Variants in ACYP2 observed in about 807,000 individuals in gnomAD.
The protein encoded by ACYP2 is acylphosphatase-2.
A neutral mutation model predicts 11.2 loss-of-function variants in ACYP2; 12 were observed. That is an observed-to-expected ratio of 1.08 (90% CI 0.69 to 1.74). ACYP2 has a LOEUF of 1.74. Ranked by LOEUF, ACYP2 falls within the 40% of genes most tolerant of loss-of-function variation. ACYP2 has a pLI of 0.00. For missense variants in ACYP2, 134 were observed against 101.9 expected, an observed-to-expected ratio of 1.31 and a Z score of -1.35; for synonymous variants, 43 against 32.2, an observed-to-expected ratio of 1.33 and a Z score of -1.13.
At chr2:54,300,853 G>T (rs1046800884) in intron 6 of ACYP2, among the ~76,000 whole-genome samples, 1 of 152,164 alleles carries the variant, frequency 6.6e-6, no homozygotes, top group African/African-American at 2.4e-5. Context: ...CACCCTAATT[G>T]CCACTACTGG....
Position 54,211,686 on chromosome 2 carries a change from TAGA to T in ACYP2, c.404+72944_404+72946del, listed in dbSNP as rs570372684. On this transcript the variant is annotated intron_variant, in intron 6 of 6. Transcript: ENST00000607452. ...ATATTTAATTTGAATATTTCAATAT[TAGA>T]AGAAGTGATTTGTTTACCAAACTCT... 2.6e-3 allele frequency among the ~76,000 whole-genome samples: 395 copies of T among 152,356 alleles called. 3 individuals carry two copies. Among genetic ancestry groups the T allele is most frequent in the Middle Eastern group, 6.8e-3 (2 of 294 alleles).
At chr2:54,290,054 T>C (rs2104140005) in intron 6 of ACYP2, among the ~76,000 whole-genome samples, 1 of 152,228 alleles carries the variant, frequency 6.6e-6, no homozygotes, top group South Asian at 2.1e-4. Context: ...ACCTTGGCGC[T>C]ATTCTTTTAA....
In ACYP2 at chr2:53,988,720, C is replaced by T. The variant is rs1327999331; in HGVS notation, c.62+14910C>T. Among the ~76,000 whole-genome samples, 8 of 151,694 alleles carry T rather than the reference C, an allele frequency of 5.3e-5. No individual in the cohort carries two copies. The East Asian group carries it at 1.6e-3, about 30-fold the overall frequency. Reference sequence around the variant, plus strand: ...GGATTACAGGTGTAAGCCACCATGCCTGGCCCATAATTCAATTTTTGTTTT... The same window carrying T: ...GGATTACAGGTGTAAGCCACCATGCTTGGCCCATAATTCAATTTTTGTTTT... On this transcript the variant is annotated intron_variant, in intron 2 of 6. Transcript: ENST00000607452.
At chr2:54,212,615 A>T (rs1685372792) in intron 6 of ACYP2, among the ~76,000 whole-genome samples, 1 of 152,206 alleles carries the variant, frequency 6.6e-6, no homozygotes, top group African/African-American at 2.4e-5. Context: ...CACATAGCTT[A>T]TTGAATGTGA....
intron 2 of ACYP2, among the ~76,000 whole-genome samples, chr2:54,007,793 A>T (rs1265055927): frequency 6.6e-6 from 1 of 152,064 alleles, no homozygotes; most frequent in Non-Finnish European, 1.5e-5. Flanking sequence ...TGAACCTAGG[A>T]GGTGGAGGTT....
intron 4 of ACYP2, among the ~76,000 whole-genome samples, chr2:54,095,185 G>C (rs1678456249): frequency 6.6e-6 from 1 of 152,180 alleles, no homozygotes; most frequent in Non-Finnish European, 1.5e-5. Flanking sequence ...ACATGTTTCA[G>C]AGAGCACAGG....
chr2:54,177,569 A>ACAAAGATGAACTGAAATCATTTC (rs139667149), intron 6 of ACYP2, among the ~76,000 whole-genome samples: 18,906 of 147,440 alleles, frequency 0.13, 3,064 homozygotes, highest in African/African-American at 0.37. Flanking sequence ...CAGGACTGAT[A>ACAAAGATGAACTGAAATCATTTC]CCTACTATTT....
intron 2 of ACYP2, among the ~76,000 whole-genome samples, chr2:53,997,293 C>G (rs1463888291): frequency 1.3e-5 from 2 of 151,960 alleles, no homozygotes; most frequent in East Asian, 3.9e-4. Context: ...CATATTTTTC[C>G]TTCTTTTTAA....
chr2:54,062,698 A>G (rs562921525), intron 4 of ACYP2, among the ~76,000 whole-genome samples: 25 of 152,366 alleles, frequency 1.6e-4, no homozygotes, highest in South Asian at 6.2e-4. Context: ...AGCTTTCTAC[A>G]TGTATACCAT....
At chr2:54,056,833 C>T (rs1558498937) in intron 3 of ACYP2, among the ~76,000 whole-genome samples, 1 of 151,882 alleles carries the variant, frequency 6.6e-6, no homozygotes, top group African/African-American at 2.4e-5. Flanking sequence ...AATGAATTTT[C>T]TGTAAATCTA....
intron 2 of ACYP2, among the ~76,000 whole-genome samples, chr2:54,010,737 C>CT (rs539896151): frequency 0.07 from 7,421 of 106,528 alleles, 762 homozygotes; most frequent in African/African-American, 0.14. Context: ...TTCTTTCTTT[C>CT]TTTTTTTTTT....
chr2:53,983,943 C>A (rs1671886984), intron 2 of ACYP2, among the ~76,000 whole-genome samples: 1 of 152,042 alleles, frequency 6.6e-6, no homozygotes, highest in African/African-American at 2.4e-5. Flanking sequence ...TAAACTGAGG[C>A]CAGATTACAA....
intron 6 of ACYP2, among the ~76,000 whole-genome samples, chr2:54,185,427 G>T (rs909490849): frequency 6.6e-6 from 1 of 152,130 alleles, no homozygotes; most frequent in Non-Finnish European, 1.5e-5. Context: ...GGTATTGAGG[G>T]CCATTGTTTT....
chr2:54,269,284 C>T (rs1688175390), intron 6 of ACYP2, among the ~76,000 whole-genome samples: 1 of 152,152 alleles, frequency 6.6e-6, no homozygotes, highest in Non-Finnish European at 1.5e-5. Flanking sequence ...ATGCCTTTTA[C>T]ATGAGAAACA....
chr2:53,996,798 CTG>C (rs1312455425), intron 2 of ACYP2, among the ~76,000 whole-genome samples: 1 of 152,232 alleles, frequency 6.6e-6, no homozygotes, highest in Non-Finnish European at 1.5e-5. Flanking sequence ...AGAGCACAGA[CTG>C]TTGCACTGTC....
intron 6 of ACYP2, among the ~76,000 whole-genome samples, chr2:54,202,194 C>T (rs1307932693): frequency 3.3e-5 from 5 of 152,100 alleles, no homozygotes; most frequent in East Asian, 3.9e-4. Context: ...GCTCACTCTC[C>T]GCCTCCCAGG....
At chr2:54,122,616 C>T (rs1680226281) in intron 4 of ACYP2, among the ~76,000 whole-genome samples, 1 of 152,238 alleles carries the variant, frequency 6.6e-6, no homozygotes, top group Non-Finnish European at 1.5e-5. Context: ...AGAAAAATGT[C>T]TCCACATCTA....
chr2:53,975,435 C>T, intron 2 of ACYP2: 1 of 392,450 alleles, frequency 2.5e-6, no homozygotes, highest in Non-Finnish European at 4.5e-6. Context: ...CTGGTCTGCT[C>T]ATTAGTGGAG....
intron 4 of ACYP2, among the ~76,000 whole-genome samples, chr2:54,079,372 T>C (rs1439198383): frequency 6.6e-6 from 1 of 152,184 alleles, no homozygotes; most frequent in Non-Finnish European, 1.5e-5. Context: ...CCAATCAGCA[T>C]TCAGGAAGGG....
Sources: gnomAD v4.1 joint callset for allele counts (sites outside exome capture counted in the v4.1 genomes callset) on GRCh38, gnomAD v4.1.1 for gene constraint, MANE v1.5 for transcripts, NCBI Gene and HGNC (gene_info 2026-07-23, HGNC 2026-07-21) for gene names.